DNAH11: variants seen among roughly 807,000 people sequenced by gnomAD.
The protein encoded by DNAH11 is axonemal beta dynein heavy chain 11.
DNAH11 carries 442 observed loss-of-function variants against 526.0 expected under a neutral mutation model. That is an observed-to-expected ratio of 0.84 (90% confidence interval 0.78 to 0.91). The LOEUF (loss-of-function observed/expected upper bound fraction) is 0.91. Among genes scored for constraint, DNAH11 ranks in the 40% least tolerant of loss-of-function variants. The pLI, the probability that DNAH11 is intolerant of heterozygous loss-of-function variation, is 0.00. For missense variants in DNAH11, 6,989 were observed against 5,448.7 expected (o/e 1.28, Z -8.90); for synonymous variants, 2,461 against 1,935.9 (o/e 1.27, Z -7.12).
intron 6 of DNAH11, among the ~76,000 whole-genome samples, chr7:21,569,526 T>C (rs1296496301): frequency 1.3e-5 from 2 of 152,220 alleles, no homozygotes; most frequent in African/African-American, 4.8e-5. Context: ...AACTAGTTCA[T>C]GTGGCACACG....
At position 21,816,772 on chromosome 7, in the gene DNAH11, G is replaced by A. The variant is rs4141347; in HGVS notation, c.10568+70G>A. ...AAGTGGGTCTGATTTTTATAAAGGC[G>A]TGATGTTTCTTAGACCTCTCCACCA... On this transcript the variant is annotated intron_variant, in intron 64 of 81. Coordinates refer to ENST00000409508, the MANE Select transcript of DNAH11 (RefSeq NM_001277115.2). 468,083 of 1,293,424 alleles carry A rather than the reference G, an allele frequency of 0.36. 93,049 individuals carry two copies. The highest frequency in any genetic ancestry group is 0.82 in the East Asian group (33,782 of 41,116). 80.1% of individuals were successfully genotyped at this position (1,293,424 alleles called of 1,614,324 possible). A position where few individuals can be genotyped will look rare whatever the true frequency, so the allele number is the denominator to read the frequency against.
Position 21,596,766 on chromosome 7 carries a change from T to C in DNAH11, c.2668-3021T>C, listed in dbSNP as rs146322850. On this transcript the variant is annotated intron_variant, in intron 14 of 81. Transcript: ENST00000409508. ...TTGTATTAATAAATGGATTCTCCTA[T>C]TTTTGTCCTTAAGGCAAAAACTAGG... Among the ~76,000 whole-genome samples the C allele has an allele frequency of 3.8e-3, 579 of 152,332 alleles. 11 individuals are homozygous for C. The highest frequency in any genetic ancestry group is 0.013 in the African/African-American group (542 of 41,574).
intron 79 of DNAH11, among the ~76,000 whole-genome samples, chr7:21,896,084 C>G (rs1336500619): frequency 6.6e-6 from 1 of 152,220 alleles, no homozygotes; most frequent in Non-Finnish European, 1.5e-5. Context: ...CTCTGAACAT[C>G]AACCTCCTTC....
At chr7:21,682,586 G>A (rs981183589) in intron 31 of DNAH11, among the ~76,000 whole-genome samples, 2 of 149,524 alleles carry the variant, frequency 1.3e-5, no homozygotes, top group Admixed American at 6.7e-5. Context: ...AGTGTTTAAT[G>A]TGAAAGGAGA....
rs1168813697 is a variant in DNAH11, at chr7:21,551,093, A to G, written c.495+5944A>G. Among the ~76,000 whole-genome samples the G allele has an allele frequency of 2.0e-5, 3 of 152,204 alleles. No homozygotes were observed. The East Asian group carries it at 5.8e-4, about 29-fold the overall frequency. On this transcript the variant is annotated intron_variant, in intron 2 of 81. Coordinates refer to ENST00000409508, the MANE Select transcript of DNAH11 (RefSeq NM_001277115.2). ...TGGGGTCCCCGAAGACTCCCTTTGT[A>G]TAATATAGATATTAGTTTTCTCATG...
chr7:21,763,268 G>C lies in DNAH11; in HGVS notation c.8941-2160G>C, dbSNP rs1164377262. Among the ~76,000 whole-genome samples, 4 of 150,186 alleles carry C rather than the reference G, an allele frequency of 2.7e-5. No individual in the cohort carries two copies. The South Asian group carries it at 8.4e-4, about 32-fold the overall frequency. On this transcript the variant is annotated intron_variant, in intron 54 of 81. Transcript: ENST00000409508. ...GAGGCAGGAGAATCACTTGAACCCA[G>C]GAGGCAGAGGTTGCAGCAAGCCGAG...
chr7:21,782,034 G>T (rs1192561090), intron 57 of DNAH11, among the ~76,000 whole-genome samples: 2 of 152,136 alleles, frequency 1.3e-5, no homozygotes, highest in Non-Finnish European at 2.9e-5. Flanking sequence ...CCTTGTAAAG[G>T]CCCTGTCTCC....
chr7:21,599,562 T>G (rs1266158846), intron 14 of DNAH11, among the ~76,000 whole-genome samples: 1 of 152,224 alleles, frequency 6.6e-6, no homozygotes, highest in East Asian at 1.9e-4. Context: ...TAGAGAACTT[T>G]CCTTGAAACA....
At chr7:21,884,489 A>G in intron 76 of DNAH11, 79 bp downstream of exon 76, 1 of 1,392,816 alleles carries the variant, frequency 7.2e-7, no homozygotes, top group Non-Finnish European at 9.6e-7. Flanking sequence ...AACTAATTAT[A>G]CTATGGGCAA....
chr7:21,644,543 A>G (rs1787264195), intron 28 of DNAH11, among the ~76,000 whole-genome samples: 1 of 152,238 alleles, frequency 6.6e-6, no homozygotes, highest in Admixed American at 6.5e-5. Context: ...TGGAAAGATA[A>G]GACGTATCTA....
At chr7:21,622,407 T>C (rs906861162) in intron 25 of DNAH11, among the ~76,000 whole-genome samples, 6 of 152,130 alleles carry the variant, frequency 3.9e-5, no homozygotes, top group African/African-American at 1.4e-4. Flanking sequence ...AAGTAATTTA[T>C]AGATTCAATG....
Position 21,821,762 on chromosome 7 carries a change from A to G in DNAH11, c.10691+3423A>G, listed in dbSNP as rs185811980. 7.9e-5 allele frequency among the ~76,000 whole-genome samples: 12 copies of G among 152,128 alleles called. No individual in the cohort carries two copies. In the East Asian group the frequency reaches 2.1e-3, roughly 27 times the overall value. ...TTAAAATATATAATAAATTATTGGT[A>G]ACTATAACTTTCCTACTATTCTATT... On this transcript the variant is annotated intron_variant, in intron 65 of 81. Coordinates refer to ENST00000409508, the MANE Select transcript of DNAH11 (RefSeq NM_001277115.2).
At chr7:21,774,605 AG>A (rs775812837) in intron 56 of DNAH11, among the ~76,000 whole-genome samples, 1 of 152,198 alleles carries the variant, frequency 6.6e-6, no homozygotes, top group Non-Finnish European at 1.5e-5. Context: ...TTGTTAAAAA[AG>A]GATTTCATGA....
At chr7:21,549,271 C>G (rs547318068) in intron 2 of DNAH11, among the ~76,000 whole-genome samples, 5 of 152,258 alleles carry the variant, frequency 3.3e-5, no homozygotes, top group South Asian at 4.2e-4. Flanking sequence ...GTATTCCATC[C>G]TAGAGGAAAC....
chr7:21,774,055 A>T, intron 56 of DNAH11, 56 bp downstream of exon 56: 1 of 1,408,312 alleles, frequency 7.1e-7, no homozygotes, highest in Non-Finnish European at 9.5e-7. Context: ...ACAGAAAAAT[A>T]TATTTCCTTT....
At chr7:21,544,890 A>C (rs957180749) in intron 1 of DNAH11, 116 bp from the exon 2 acceptor site, 8 of 782,020 alleles carry the variant, frequency 1.0e-5, no homozygotes, top group African/African-American at 3.6e-5. Context: ...TTTATAGGGC[A>C]GGCAAGATGC....
At chr7:21,685,077 G>A (rs760397805) in intron 32 of DNAH11, among the ~76,000 whole-genome samples, 14 of 152,120 alleles carry the variant, frequency 9.2e-5, no homozygotes, top group African/African-American at 1.4e-4. Context: ...GCTCATAATC[G>A]CGACATTTGT....
chr7:21,748,581 T>C lies in DNAH11; in HGVS notation c.8512T>C (p.Cys2838Arg), dbSNP rs1786261275. The change falls in exon 52 of 82, where the codon TGT (cysteine) becomes CGT (arginine). Residue 2838 changes from cysteine (C) to arginine (R), a missense_variant and splice_region_variant. Coordinates refer to ENST00000409508, the MANE Select transcript of DNAH11 (RefSeq NM_001277115.2). The part of the protein sequence containing the change: ...VLFEDAMQHV[C>R]RISRILRTPQ... ...ATAATGGGCGCTTCCTTTCCTCAGG[T>C]GTCGCATCAGCCGGATCTTACGAAC... 6.5e-7 allele frequency: 1 copy of C among 1,528,046 alleles called. No individual in the cohort carries two copies. The highest frequency in any genetic ancestry group is 8.8e-7 in the Non-Finnish European group (1 of 1,133,594). The allele number at this position is 1,528,046 out of a possible 1,614,324, so 94.7% of individuals were successfully genotyped here.
chr7:21,804,505 T>G (rs1789162650), intron 62 of DNAH11, among the ~76,000 whole-genome samples: 1 of 152,232 alleles, frequency 6.6e-6, no homozygotes, highest in Non-Finnish European at 1.5e-5. Flanking sequence ...TAGTTCATTA[T>G]GCAAAAACTC....
Sources: gnomAD v4.1 joint callset for allele counts (sites outside exome capture counted in the v4.1 genomes callset) on GRCh38, gnomAD v4.1.1 for gene constraint, MANE v1.5 for transcripts, NCBI Gene and HGNC (gene_info 2026-07-23, HGNC 2026-07-21) for gene names.